DLGAP4: variants seen among roughly 807,000 people sequenced by gnomAD.
DLGAP4 encodes the protein DLG associated protein 4, also known as disks large-associated protein 4.
DLGAP4 carries 18 observed loss-of-function variants against 86.9 expected under a neutral mutation model. The observed-to-expected ratio is 0.21, with a 90% CI of 0.14 to 0.31. The LOEUF (loss-of-function observed/expected upper bound fraction) is 0.31. Among genes scored for constraint, DLGAP4 ranks in the 10% least tolerant of loss-of-function variants. The pLI, the probability that DLGAP4 is intolerant of heterozygous loss-of-function variation, is 1.00. For synonymous variants in DLGAP4, 548 were observed against 574.3 expected (o/e 0.95, Z 0.65); for missense variants, 1,085 against 1,362.6 (o/e 0.80, Z 3.21).
chr20:36,470,367 A>G (rs2034606618), intron 7 of DLGAP4, among the ~76,000 whole-genome samples: 1 of 152,190 alleles, frequency 6.6e-6, no homozygotes, highest in South Asian at 2.1e-4. Context: ...CTGTTCTGCA[A>G]GGCTAGACCA....
intron 7 of DLGAP4, among the ~76,000 whole-genome samples, chr20:36,450,357 G>A (rs571985991): frequency 3.9e-5 from 6 of 152,204 alleles, no homozygotes; most frequent in African/African-American, 1.4e-4. Flanking sequence ...AATTAGCCAG[G>A]CGTGGTGGTG....
chr20:36,462,604 G>T (rs2034145084), intron 7 of DLGAP4: 1 of 1,594,712 alleles, frequency 6.3e-7, no homozygotes, highest in Admixed American at 1.8e-5. Flanking sequence ...AGCAATGTGA[G>T]TGGTGGGGTG....
chr20:36,499,408 G>A, intron 8 of DLGAP4, 180 bp from the exon 9 acceptor site: 1 of 1,388,198 alleles, frequency 7.2e-7, no homozygotes, highest in Non-Finnish European at 9.8e-7. Flanking sequence ...CGAATGAGCA[G>A]TGCCCGGCTT....
intron 7 of DLGAP4, among the ~76,000 whole-genome samples, chr20:36,452,069 C>T (rs750730452): frequency 1.3e-5 from 2 of 152,060 alleles, no homozygotes; most frequent in Non-Finnish European, 2.9e-5. Flanking sequence ...GAGGCTGTAT[C>T]TTAATTTGAG....
rs112705240 is a variant in DLGAP4, at chr20:36,326,199, CAG to C, written c.-304+19688_-304+19689del. On this transcript the variant is annotated intron_variant, in intron 1 of 12. Coordinates refer to ENST00000339266, the MANE Select transcript of DLGAP4 (RefSeq NM_001365621.2). ...TGCAGGATGCTGTTAAAGCGGTACT[CAG>C]GGGAAACCCAATAAGTTGGGCCCCA... 7.1e-3 allele frequency among the ~76,000 whole-genome samples: 1,087 copies of C among 152,306 alleles called. 13 individuals carry two copies. Among genetic ancestry groups the C allele is most frequent in the African/African-American group, 0.025 (1,022 of 41,548 alleles).
rs2065021323 is a variant in DLGAP4, at chr20:36,308,101, CG to C, written c.-304+1591del. Among the ~76,000 whole-genome samples, 1 of 152,202 alleles carries C rather than the reference CG, an allele frequency of 6.6e-6. No individual in the cohort carries two copies. The highest frequency in any genetic ancestry group is 6.5e-5 in the Admixed American group (1 of 15,284). On this transcript the variant is annotated intron_variant, in intron 1 of 12. Transcript: ENST00000339266. The surrounding 1 kb of genome is among the most constrained non-coding windows in gnomAD (Gnocchi z 4.5). ...ACTCCGAGTGTGTTCCCAGCAGCTC[CG>C]GAGACGCTGGCTGTGCACGTGGGGC...
At position 36,461,365 on chromosome 20, in the gene DLGAP4, T is replaced by G. The variant is rs1431788603; in HGVS notation, c.1648+14428T>G. 3 of 788,296 alleles carry G rather than the reference T, an allele frequency of 3.8e-6. No homozygotes were observed. In the African/African-American group the frequency reaches 5.7e-5, roughly 15 times the overall value. 48.8% of individuals were successfully genotyped at this position (788,296 alleles called of 1,614,324 possible). On this transcript the variant is annotated intron_variant, in intron 7 of 12. Coordinates refer to ENST00000339266, the MANE Select transcript of DLGAP4 (RefSeq NM_001365621.2). Reference sequence around the variant, plus strand: ...ATGCCAAGCGGGCTGCGCGCGCCCCTGCCCGGCCCGGGAGTCCCTGACGAC... The same window carrying G: ...ATGCCAAGCGGGCTGCGCGCGCCCCGGCCCGGCCCGGGAGTCCCTGACGAC...
At position 36,442,754 on chromosome 20, in the gene DLGAP4, C is replaced by G; in HGVS notation, c.1384C>G (p.Gln462Glu). 1 of 1,614,202 alleles carries G rather than the reference C, an allele frequency of 6.2e-7. No individual in the cohort carries two copies. Among genetic ancestry groups the G allele is most frequent in the Non-Finnish European group, 8.5e-7 (1 of 1,180,038 alleles). Residue 462 changes from glutamine to glutamate, a missense_variant, in exon 6 of 13, where the codon CAG becomes GAG. Coordinates refer to ENST00000339266, the MANE Select transcript of DLGAP4 (RefSeq NM_001365621.2). ...QIFGQASLIPQLFGHEQQVRE... is the reference protein window; with the variant it reads ...QIFGQASLIPELFGHEQQVRE... ...TTTTGGACAGGCCTCCCTGATCCCC[C>G]AGTTGTTTGGCCATGAGCAGCAGGT...
chr20:36,471,297 C>T (rs1184337028), intron 7 of DLGAP4, among the ~76,000 whole-genome samples: 1 of 152,072 alleles, frequency 6.6e-6, no homozygotes, highest in East Asian at 1.9e-4. Context: ...GACCTCTACT[C>T]GACCTGGCCA....
At chr20:36,478,816 A>C (rs1413620135) in intron 7 of DLGAP4, among the ~76,000 whole-genome samples, 1 of 152,176 alleles carries the variant, frequency 6.6e-6, no homozygotes, top group African/African-American at 2.4e-5. Context: ...AGAGCCTTCA[A>C]CCTCTCTGAG....
intron 2 of DLGAP4, among the ~76,000 whole-genome samples, chr20:36,396,365 CA>C (rs1569484537): frequency 4.4e-5 from 2 of 45,042 alleles, no homozygotes; most frequent in Non-Finnish European, 8.2e-5. Context: ...ACCACACGCA[CA>C]TACACACACC....
At chr20:36,313,447 C>T (rs990049566) in intron 1 of DLGAP4, among the ~76,000 whole-genome samples, 34 of 152,134 alleles carry the variant, frequency 2.2e-4, no homozygotes, top group African/African-American at 7.7e-4. Flanking sequence ...GCTGTGTGAC[C>T]CTGGCATGCT....
intron 7 of DLGAP4, among the ~76,000 whole-genome samples, chr20:36,467,634 G>A (rs1001508434): frequency 6.6e-6 from 1 of 152,344 alleles, no homozygotes; most frequent in African/African-American, 2.4e-5. Flanking sequence ...ACACAAGAGG[G>A]TGAGGTTTGG....
chr20:36,513,487 G>C (rs1241766282), intron 10 of DLGAP4, among the ~76,000 whole-genome samples: 1 of 147,572 alleles, frequency 6.8e-6, no homozygotes, highest in African/African-American at 2.5e-5. Context: ...AGCGGAGCTT[G>C]CAGTGAGCCG....
At chr20:36,385,451 T>C (rs1287399533) in intron 2 of DLGAP4, among the ~76,000 whole-genome samples, 1 of 152,056 alleles carries the variant, frequency 6.6e-6, no homozygotes, top group Non-Finnish European at 1.5e-5. Context: ...GACTGCCCCC[T>C]ACACACACCC....
At chr20:36,515,373 GTA>G (rs1436408011) in intron 10 of DLGAP4, among the ~76,000 whole-genome samples, 1 of 152,112 alleles carries the variant, frequency 6.6e-6, no homozygotes, top group Non-Finnish European at 1.5e-5. Context: ...TGTTTGTCTG[GTA>G]TATCTCTTTC....
intron 1 of DLGAP4, among the ~76,000 whole-genome samples, chr20:36,315,160 ATG>A (rs2065087682): frequency 7.1e-6 from 1 of 140,830 alleles, no homozygotes; most frequent in Admixed American, 7.0e-5. Flanking sequence ...GTGTGCTGTG[ATG>A]TGTGTGTGGT....
At chr20:36,381,266 A>G (rs2425233) in intron 2 of DLGAP4, among the ~76,000 whole-genome samples, 99,256 of 152,108 alleles carry the variant, frequency 0.65, 32,512 homozygotes, top group South Asian at 0.82. Flanking sequence ...GGCACTCACA[A>G]CAGATAGGGA....
chr20:36,519,750 C>T lies in DLGAP4; in HGVS notation c.2513-4500C>T, dbSNP rs182254788. Among the ~76,000 whole-genome samples the T allele has an allele frequency of 1.2e-3, 184 of 152,276 alleles. 1 individual carries two copies. In the Middle Eastern group the frequency reaches 0.017, roughly 14 times the overall value. On this transcript the variant is annotated intron_variant, in intron 10 of 12. Coordinates refer to ENST00000339266, the MANE Select transcript of DLGAP4 (RefSeq NM_001365621.2). ...CCAATCTCTCCACATCTTTGCAACA[C>T]TTGCTTCCACTTTTCTTGATAGCTT...
Sources: gnomAD v4.1 joint callset for allele counts (sites outside exome capture counted in the v4.1 genomes callset) on GRCh38, gnomAD v4.1.1 for gene constraint, Gnocchi (gnomAD v3.1) non-coding constraint, MANE v1.5 for transcripts, NCBI Gene and HGNC (gene_info 2026-07-23, HGNC 2026-07-21) for gene names.